DST: variants seen among roughly 807,000 people sequenced by gnomAD.
DST encodes bullous pemphigoid antigen.
In DST, 253 loss-of-function variants were observed where a neutral mutation model predicts 875.2. That is an observed-to-expected ratio of 0.29 (90% confidence interval 0.26 to 0.32). The LOEUF (loss-of-function observed/expected upper bound fraction) is 0.32, where lower values mean the gene tolerates loss of function less well. DST is among the 10% of genes least tolerant of loss of function. The probability of loss-of-function intolerance (pLI) is 1.00; values close to 1 mark genes in which losing one functional copy is unlikely to be tolerated. For synonymous variants in DST, 3,124 were observed against 3,197.1 expected, an observed-to-expected ratio of 0.98 and a Z score of 0.77; for missense variants, 8,287 against 9,111.6, an observed-to-expected ratio of 0.91 and a Z score of 3.68.
intron 4 of DST, chr6:56,843,051 A>G: frequency 6.8e-7 from 1 of 1,472,754 alleles, no homozygotes. Context: ...CAGGGACCAC[A>G]TACCTTTGTA....
At chr6:56,734,841 T>C (rs768008302) in intron 5 of DST, among the ~76,000 whole-genome samples, 13 of 152,126 alleles carry the variant, frequency 8.5e-5, no homozygotes, top group Non-Finnish European at 1.2e-4. Context: ...CCTTCTGCCA[T>C]CCACATAAAC....
At chr6:56,916,778 T>TCTCTCTCTCTCTCTCACA (rs1470233953) in intron 2 of DST, among the ~76,000 whole-genome samples, 72 of 91,332 alleles carry the variant, frequency 7.9e-4, no homozygotes, top group African/African-American at 3.0e-3. Flanking sequence ...TCTCTCTCTC[T>TCTCTCTCTCTCTCTCACA]CACACACACA....
At chr6:56,892,618 G>A (rs1046488392) in intron 3 of DST, among the ~76,000 whole-genome samples, 58 of 152,002 alleles carry the variant, frequency 3.8e-4, no homozygotes, top group African/African-American at 1.3e-3. Flanking sequence ...GAGCCGCCAC[G>A]CCCAGCACTA....
At position 56,532,486 on chromosome 6, in the gene DST, G is replaced by C. The variant is rs757999534; in HGVS notation, c.16966C>G (p.Arg5656Gly). 5.0e-6 allele frequency: 8 copies of C among 1,603,172 alleles called. No homozygotes were observed. Among genetic ancestry groups the C allele is most frequent in the Admixed American group, 3.4e-5 (2 of 58,338 alleles). Residue 5656 changes from arginine to glycine, a missense_variant, in exon 64 of 104, where the codon CGA becomes GGA. By Grantham distance (125) the Arg-to-Gly change is moderately radical. Around this residue, in one of 10 missense-constraint regions of DST, gnomAD observed 777 missense variants for 764.8 expected, o/e 1.02. Transcript: ENST00000680361. ...QKLLQRLLDD[R>G]KSTVEVIKRE... Reference sequence around the variant, plus strand: ...TTGATTACCTCCACCGTAGATTTTCGGTCATCCAACAATCTCTGGAGAAGC... The same window carrying C: ...TTGATTACCTCCACCGTAGATTTTCCGTCATCCAACAATCTCTGGAGAAGC...
At chr6:56,611,348 T>G (rs891085751) in intron 38 of DST, among the ~76,000 whole-genome samples, 160 bp downstream of exon 38, 17 of 149,914 alleles carry the variant, frequency 1.1e-4, no homozygotes, top group Non-Finnish European at 2.1e-4. Context: ...AATTGACAAT[T>G]AAATTACTAA....
intron 36 of DST, chr6:56,618,720 TATC>T: frequency 6.2e-7 from 1 of 1,613,936 alleles, no homozygotes; most frequent in Non-Finnish European, 8.5e-7. Context: ...ATGCCTGAAA[TATC>T]ATTTTCAGTG....
intron 36 of DST, chr6:56,618,936 G>C: frequency 6.2e-7 from 1 of 1,614,098 alleles, no homozygotes; most frequent in South Asian, 1.1e-5. Flanking sequence ...TGAACTTTCT[G>C]CTCCCCGCGT....
chr6:56,764,559 T>C (rs922655667), intron 4 of DST, among the ~76,000 whole-genome samples: 10 of 152,352 alleles, frequency 6.6e-5, no homozygotes, highest in African/African-American at 2.4e-4. Flanking sequence ...CCTTGTTTCA[T>C]GTCTGTTTGT....
At chr6:56,690,086 C>G (rs2099217478) in intron 9 of DST, among the ~76,000 whole-genome samples, 1 of 152,192 alleles carries the variant, frequency 6.6e-6, no homozygotes, top group Non-Finnish European at 1.5e-5. Flanking sequence ...AATTCCTGCT[C>G]TAACTTTTTA....
chr6:56,634,649 G>A, intron 25 of DST, 33 bp from the exon 26 acceptor site: 1 of 1,613,308 alleles, frequency 6.2e-7, no homozygotes, highest in Non-Finnish European at 8.5e-7. Context: ...ATAACTCAAT[G>A]AGGTCACTGT....
intron 10 of DST, among the ~76,000 whole-genome samples, chr6:56,657,749 T>C (rs1167972952): frequency 6.6e-6 from 1 of 152,148 alleles, no homozygotes; most frequent in Non-Finnish European, 1.5e-5. Flanking sequence ...ATGCACCTTA[T>C]CACAATCTAA....
At chr6:56,720,495 C>A (rs1306296387) in intron 5 of DST, among the ~76,000 whole-genome samples, 2 of 152,022 alleles carry the variant, frequency 1.3e-5, no homozygotes, top group African/African-American at 4.8e-5. Flanking sequence ...GGCAGAGGTC[C>A]CTGCGGCCTT....
intron 4 of DST, among the ~76,000 whole-genome samples, chr6:56,827,790 T>C (rs942546744): frequency 1.3e-5 from 2 of 152,122 alleles, no homozygotes; most frequent in Non-Finnish European, 2.9e-5. Flanking sequence ...TTGGGGGGAA[T>C]GTAAAATATA....
chr6:56,795,030 C>T (rs2099737316), intron 4 of DST, among the ~76,000 whole-genome samples: 1 of 152,084 alleles, frequency 6.6e-6, no homozygotes, highest in Admixed American at 6.6e-5. Context: ...GGCTTCTGAG[C>T]AAAGCCCCTT....
intron 2 of DST, among the ~76,000 whole-genome samples, chr6:56,910,333 A>G (rs1186073354): frequency 6.6e-6 from 1 of 152,072 alleles, no homozygotes; most frequent in Non-Finnish European, 1.5e-5. Context: ...CATCCACTTA[A>G]TATTTTAAAG....
chr6:56,945,557 GA>G (rs1562490897), intron 2 of DST, among the ~76,000 whole-genome samples: 1 of 152,142 alleles, frequency 6.6e-6, no homozygotes, highest in Non-Finnish European at 1.5e-5. Context: ...GGAAAATGAG[GA>G]AAAAGCAGGT....
Position 56,603,151 on chromosome 6 carries a change from C to T in DST, c.11157+54G>A, listed in dbSNP as rs2098460925. On this transcript the variant is annotated intron_variant, in intron 42 of 103. Coordinates refer to ENST00000680361, the MANE Select transcript of DST (RefSeq NM_001374736.1). ...AAAATACTCCAGCTTATGACTAAAT[C>T]CTCAAATAATAAAATTTTCTTCATA... 5 of 1,553,222 alleles carry T rather than the reference C, an allele frequency of 3.2e-6. No individual in the cohort carries two copies. In the African/African-American group the frequency reaches 5.5e-5, roughly 17 times the overall value.
At chr6:56,481,968 A>C in intron 90 of DST, 82 bp downstream of exon 90, 1 of 1,416,370 alleles carries the variant, frequency 7.1e-7, no homozygotes, top group Non-Finnish European at 9.7e-7. Flanking sequence ...ATATTCATGC[A>C]GTTGATATTT....
chr6:56,805,562 A>T (rs767317983), intron 4 of DST, among the ~76,000 whole-genome samples: 1 of 152,182 alleles, frequency 6.6e-6, no homozygotes, highest in Non-Finnish European at 1.5e-5. Flanking sequence ...TAAACTATCA[A>T]TTTGGTTAAA....
Sources: allele counts gnomAD v4.1 joint callset (sites outside exome capture counted in the v4.1 genomes callset), GRCh38; gene constraint gnomAD v4.1.1; regional missense constraint gnomAD v4.1.1; transcripts MANE v1.5; gene names NCBI Gene and HGNC (gene_info 2026-07-23, HGNC 2026-07-21).